The following GRID1 variants were observed in gnomAD, a reference collection of about 807,000 sequenced individuals.
The protein encoded by GRID1 is glutamate receptor ionotropic, delta-1.
Under a neutral mutation model 98.0 loss-of-function variants are expected in GRID1, and 28 were observed. The ratio of observed to expected loss-of-function variants is 0.29; its 90% CI spans 0.21 to 0.39. The LOEUF is 0.39. Ranked by LOEUF, GRID1 falls within the 10% of genes least tolerant of loss-of-function variation. GRID1 has a pLI of 1.00. For missense variants in GRID1, 1,111 were observed against 1,340.5 expected, an observed-to-expected ratio of 0.83 and a Z score of 2.67; for synonymous variants, 553 against 538.5, an observed-to-expected ratio of 1.03 and a Z score of -0.37.
intron 8 of GRID1, among the ~76,000 whole-genome samples, chr10:85,790,242 C>T (rs1256021840): frequency 6.6e-6 from 1 of 152,166 alleles, no homozygotes; most frequent in Non-Finnish European, 1.5e-5. Context: ...TTCCCCAGCA[C>T]CTGAATCCAT....
At position 85,856,794 on chromosome 10, in the gene GRID1, G is replaced by C. The variant is rs147674899; in HGVS notation, c.952-604C>G. Reference sequence around the variant, plus strand: ...CCAAAAGAGGCAATATACTGGATTTGCTCTATTGGCCACCGCTGGCGGATC... The same window carrying C: ...CCAAAAGAGGCAATATACTGGATTTCCTCTATTGGCCACCGCTGGCGGATC... On this transcript the variant is annotated intron_variant, in intron 6 of 15. Coordinates refer to ENST00000327946, the MANE Select transcript of GRID1 (RefSeq NM_017551.3). 2.3e-3 allele frequency among the ~76,000 whole-genome samples: 345 copies of C among 152,338 alleles called. 1 individual carries two copies. The highest frequency in any genetic ancestry group is 7.6e-3 in the African/African-American group (314 of 41,572).
chr10:86,337,460 A>G (rs1306379296), intron 2 of GRID1, among the ~76,000 whole-genome samples: 1 of 152,098 alleles, frequency 6.6e-6, no homozygotes, highest in African/African-American at 2.4e-5. Context: ...ACAACACCAC[A>G]GAAAGCCAGC....
intron 4 of GRID1, among the ~76,000 whole-genome samples, chr10:85,999,699 T>C (rs1842782748): frequency 6.6e-6 from 1 of 152,152 alleles, no homozygotes; most frequent in South Asian, 2.1e-4. Flanking sequence ...ACTATATTAA[T>C]AGTCTAAAGA....
intron 8 of GRID1, among the ~76,000 whole-genome samples, chr10:85,770,522 A>G (rs951762767): frequency 1.3e-5 from 2 of 152,068 alleles, no homozygotes; most frequent in African/African-American, 4.8e-5. Flanking sequence ...CGATCAAACT[A>G]CTCCTAGCTA....
At chr10:85,678,805 A>G (rs980589207) in intron 12 of GRID1, among the ~76,000 whole-genome samples, 10 of 152,014 alleles carry the variant, frequency 6.6e-5, no homozygotes, top group African/African-American at 2.4e-4. Flanking sequence ...TCCTCTCACC[A>G]TTAAAGTTCT....
At chr10:85,651,848 T>C (rs1402553565) in intron 12 of GRID1, among the ~76,000 whole-genome samples, 1 of 152,206 alleles carries the variant, frequency 6.6e-6, no homozygotes, top group African/African-American at 2.4e-5. Context: ...CAACTTTTGA[T>C]AATATTTTGT....
chr10:85,986,143 C>T (rs988957698), intron 4 of GRID1, among the ~76,000 whole-genome samples: 4 of 152,194 alleles, frequency 2.6e-5, no homozygotes, highest in Non-Finnish European at 2.9e-5. Context: ...CCCAGGTGTT[C>T]GTAACTTACG....
chr10:86,363,950 C>G lies in GRID1; in HGVS notation c.226G>C (p.Val76Leu), dbSNP rs1402999256. 2 of 1,613,868 alleles carry G rather than the reference C, an allele frequency of 1.2e-6. No individual in the cohort carries two copies. Among genetic ancestry groups the G allele is most frequent in the South Asian group, 2.2e-5 (2 of 91,024 alleles). ...CACAGCGGTCACTCACCTTCCTGCA[C>G]AGCCTGGAATGGGTTGTTGGCCTCG... ...VIEANNPFQAVQEACDLMTQG... is the reference protein window; with the variant it reads ...VIEANNPFQALQEACDLMTQG... Residue 76 changes from valine (V) to leucine (L), a missense_variant, in exon 2 of 16, where the codon GTG becomes CTG. Around this residue, in one of 3 missense-constraint regions of GRID1, gnomAD observed 346 missense variants for 452.3 expected, o/e 0.76. Transcript: ENST00000327946.
At position 86,313,748 on chromosome 10, in the gene GRID1, G is replaced by T. The variant is rs1847862277; in HGVS notation, c.235+50193C>A. 3.3e-5 allele frequency among the ~76,000 whole-genome samples: 5 copies of T among 152,210 alleles called. No homozygotes were observed. The South Asian group carries it at 1.0e-3, about 32-fold the overall frequency. On this transcript the variant is annotated intron_variant, in intron 2 of 15. Transcript: ENST00000327946. ...TTCTCCCCAGCTGAGGAGCAAGTGAGAGCTGGGCTGCACCCTGCGCTGGGG... is the reference window on the plus strand; with the variant it reads ...TTCTCCCCAGCTGAGGAGCAAGTGATAGCTGGGCTGCACCCTGCGCTGGGG...
chr10:85,710,370 G>C (rs1841568716), intron 12 of GRID1, among the ~76,000 whole-genome samples: 1 of 152,096 alleles, frequency 6.6e-6, no homozygotes, highest in Non-Finnish European at 1.5e-5. Flanking sequence ...ATTCAAAGAA[G>C]AAAGGATAGT....
intron 2 of GRID1, among the ~76,000 whole-genome samples, chr10:86,325,646 C>T (rs147518480): frequency 1.5e-3 from 236 of 152,330 alleles, no homozygotes; most frequent in South Asian, 8.3e-3. Context: ...TTTATACCTG[C>T]TGGCTTAAAA....
intron 6 of GRID1, among the ~76,000 whole-genome samples, chr10:85,859,888 G>T (rs944027679): frequency 1.8e-4 from 28 of 152,160 alleles, no homozygotes; most frequent in African/African-American, 6.8e-4. Context: ...ATTCTTGGAT[G>T]AAAAAAATCA....
At chr10:86,303,799 A>T (rs1847722279) in intron 2 of GRID1, among the ~76,000 whole-genome samples, 1 of 152,224 alleles carries the variant, frequency 6.6e-6, no homozygotes, top group Non-Finnish European at 1.5e-5. Context: ...CTCAGATGTC[A>T]GCAGGAGACG....
chr10:86,112,991 A>C (rs1461941147), intron 4 of GRID1, among the ~76,000 whole-genome samples: 5 of 152,176 alleles, frequency 3.3e-5, no homozygotes, highest in East Asian at 1.9e-4. Flanking sequence ...AAGACTCAGA[A>C]GCCCTCAATG....
At chr10:85,965,616 T>G (rs1842326602) in intron 4 of GRID1, among the ~76,000 whole-genome samples, 4 of 151,902 alleles carry the variant, frequency 2.6e-5, no homozygotes, top group Admixed American at 2.6e-4. Flanking sequence ...GAGAGGAACA[T>G]CACACACCAG....
rs1001058910 is a variant in GRID1, at chr10:85,602,135, T to C, written c.*138A>G. The C allele has an allele frequency of 3.6e-6, 2 of 548,926 alleles. No individual in the cohort carries two copies. The highest frequency in any genetic ancestry group is 3.7e-5 in the African/African-American group (2 of 53,380). The allele number at this position is 548,926 out of a possible 1,614,324, so 34.0% of individuals were successfully genotyped here. On this transcript the variant is annotated 3_prime_UTR_variant, in exon 16 of 16. Transcript: ENST00000327946. Reference sequence around the variant, plus strand: ...ACTCCATTCTGTCATTATTTACACATATGTACAAGAAAAATGAAAGAGTCT... The same window carrying C: ...ACTCCATTCTGTCATTATTTACACACATGTACAAGAAAAATGAAAGAGTCT...
intron 8 of GRID1, among the ~76,000 whole-genome samples, chr10:85,793,544 T>C (rs1056192054): frequency 6.6e-5 from 10 of 152,244 alleles, no homozygotes; most frequent in African/African-American, 2.4e-4. Context: ...AATCCAGTTC[T>C]GCCCTTGGAC....
At chr10:85,831,183 T>C (rs1842864294) in intron 8 of GRID1, among the ~76,000 whole-genome samples, 1 of 152,044 alleles carries the variant, frequency 6.6e-6, no homozygotes, top group South Asian at 2.1e-4. Context: ...ATGGAGGCCA[T>C]TTTCCTAAGC....
chr10:86,280,379 C>T (rs1847339698), intron 2 of GRID1, among the ~76,000 whole-genome samples: 1 of 152,156 alleles, frequency 6.6e-6, no homozygotes. Context: ...GCTGCTCCTT[C>T]AATGATTCCT....
Sources: gnomAD v4.1 joint callset for allele counts (sites outside exome capture counted in the v4.1 genomes callset) on GRCh38, gnomAD v4.1.1 for gene constraint, gnomAD v4.1.1 regional missense constraint, MANE v1.5 for transcripts, NCBI Gene and HGNC (gene_info 2026-07-23, HGNC 2026-07-21) for gene names.